UBR2: variants seen among roughly 807,000 people sequenced by gnomAD.
UBR2 encodes E3 ubiquitin-protein ligase UBR2.
In UBR2, 92 loss-of-function variants were observed where a neutral mutation model predicts 247.9. The ratio of observed to expected loss-of-function variants is 0.37; its 90% CI spans 0.31 to 0.44. The LOEUF (loss-of-function observed/expected upper bound fraction) is 0.44. UBR2 is among the 20% of genes least tolerant of loss of function. UBR2 has a pLI of 1.00. For missense variants in UBR2, 1,613 were observed against 2,112.6 expected (o/e 0.76, Z 4.64); for synonymous variants, 672 against 693.5 (o/e 0.97, Z 0.49).
chr6:42,646,550 G>A (rs1452395918), intron 21 of UBR2, among the ~76,000 whole-genome samples: 2 of 151,938 alleles, frequency 1.3e-5, no homozygotes, highest in Non-Finnish European at 2.9e-5. Context: ...CTCAACTGAG[G>A]ACAATTTTGC....
rs147169985 is a variant in UBR2, at chr6:42,588,032, G to A, written c.339-4119G>A. Among the ~76,000 whole-genome samples, 8 of 152,238 alleles carry A rather than the reference G, an allele frequency of 5.3e-5. No individual in the cohort carries two copies. The East Asian group carries it at 1.5e-3, about 29-fold the overall frequency. ...TTTAATTCAATTCAACTCTGACCCT[G>A]TCTACCAGGTGTTATTGTCAGAATC... On this transcript the variant is annotated intron_variant, in intron 2 of 46. Coordinates refer to ENST00000372901, the MANE Select transcript of UBR2 (RefSeq NM_001363705.2).
chr6:42,569,287 G>GA (rs1218502934), intron 1 of UBR2, among the ~76,000 whole-genome samples: 1 of 152,174 alleles, frequency 6.6e-6, no homozygotes, highest in Non-Finnish European at 1.5e-5. Flanking sequence ...AGTAGTGCAT[G>GA]AGAGTTCCAA....
intron 42 of UBR2, among the ~76,000 whole-genome samples, chr6:42,682,165 A>G (rs1799095221): frequency 6.6e-6 from 1 of 152,192 alleles, no homozygotes; most frequent in African/African-American, 2.4e-5. Context: ...TCACAAAAGG[A>G]TAAATACTGT....
chr6:42,630,265 A>G (rs772056526), intron 11 of UBR2, among the ~76,000 whole-genome samples: 2 of 150,920 alleles, frequency 1.3e-5, no homozygotes, highest in African/African-American at 4.9e-5. Flanking sequence ...GTTCACTGCA[A>G]CCTCTGCCTC....
intron 37 of UBR2, 99 bp from the exon 38 acceptor site, chr6:42,674,027 C>A: frequency 7.4e-7 from 1 of 1,356,364 alleles, no homozygotes; most frequent in Non-Finnish European, 1.0e-6. Context: ...CTTATAAATT[C>A]TCATGTGTCT....
rs574642821 is a variant in UBR2 at position 42,593,084 on chromosome 6, G to T, written c.417+855G>T. Among the ~76,000 whole-genome samples the T allele has an allele frequency of 3.8e-4, 58 of 152,242 alleles. No homozygotes were observed. The South Asian group carries it at 5.0e-3, about 13-fold the overall frequency. ...AGCTGCTCGGGAGGCTGAGGCAGGA[G>T]AATCACTTAAACCTGGGAGGCGGAG... On this transcript the variant is annotated intron_variant, in intron 3 of 46. Transcript: ENST00000372901.
rs111776838 is a variant in UBR2 at position 42,586,811 on chromosome 6, G to C, written c.339-5340G>C. On this transcript the variant is annotated intron_variant, in intron 2 of 46. Transcript: ENST00000372901. Reference sequence around the variant, plus strand: ...TTTTCTGCTTCTTGTCATATATATTGCACCTATAAACTTTTTTTTTTTTTT... The same window carrying C: ...TTTTCTGCTTCTTGTCATATATATTCCACCTATAAACTTTTTTTTTTTTTT... Among the ~76,000 whole-genome samples, 305 of 141,186 alleles carry C rather than the reference G, an allele frequency of 2.2e-3. 2 individuals are homozygous for C. Among genetic ancestry groups the C allele is most frequent in the African/African-American group, 5.7e-3 (214 of 37,602 alleles). The allele number at this position is 141,186 out of a possible 152,430, so 92.6% of individuals were successfully genotyped here.
At chr6:42,679,180 T>C (rs1369906194) in intron 41 of UBR2, among the ~76,000 whole-genome samples, 2 of 152,258 alleles carry the variant, frequency 1.3e-5, no homozygotes, top group Non-Finnish European at 2.9e-5. Flanking sequence ...TGACTGTATC[T>C]CTGTATCCCA....
In UBR2 at chr6:42,621,249, A is replaced by G. The variant is rs774174655; in HGVS notation, c.1281+3742A>G. Among the ~76,000 whole-genome samples the G allele has an allele frequency of 2.9e-4, 44 of 152,126 alleles. 1 individual carries two copies. The highest frequency in any genetic ancestry group is 5.0e-4 in the Non-Finnish European group (34 of 68,024). On this transcript the variant is annotated intron_variant, in intron 11 of 46. Coordinates refer to ENST00000372901, the MANE Select transcript of UBR2 (RefSeq NM_001363705.2). ...ATTTTTCCCCCTACATAGTTATTCA[A>G]TTAACCCAGAAGTGTTTATTGAAGA...
chr6:42,645,364 G>A lies in UBR2; in HGVS notation c.2285-102G>A. ...TCATTACTTTCCCATTGCTCAGACA[G>A]ACTTAGAGAAATATAACATGCTGCA... On this transcript the variant is annotated intron_variant, in intron 20 of 46. Transcript: ENST00000372901. 2.7e-6 allele frequency: 3 copies of A among 1,131,738 alleles called. No homozygotes were observed. The East Asian group carries it at 7.4e-5, about 28-fold the overall frequency. The allele number at this position is 1,131,738 out of a possible 1,614,324, so 70.1% of individuals were successfully genotyped here.
chr6:42,632,936 C>CTTTTTTTTTTTTTTTTTTTTTTCT, intron 13 of UBR2, 32 bp downstream of exon 13: 1 of 920,004 alleles, frequency 1.1e-6, no homozygotes. Context: ...TTTCTTTTTC[C>CTTTTTTTTTTTTTTTTTTTTTTCT]TTTTTTTTTT....
At chr6:42,630,494 T>G (rs954023046) in intron 11 of UBR2, among the ~76,000 whole-genome samples, 3 of 152,060 alleles carry the variant, frequency 2.0e-5, no homozygotes, top group African/African-American at 7.2e-5. Flanking sequence ...ATTTTTTTTT[T>G]TTGATACCCC....
In UBR2 at chr6:42,642,427, C is replaced by A; in HGVS notation, c.2043C>A (p.Tyr681Ter). Residue 681 changes from tyrosine (Y) to a stop codon, truncating the protein, a stop_gained, in exon 18 of 47, where the codon TAC becomes TAA. Transcript: ENST00000372901. LOFTEE classifies it high-confidence loss of function. ...ACTTTTTTTTTTAGATTTATTACTA[C>A]CATAATGTGAAATGCAGACGTGAGA... is the stretch of plus-strand genomic sequence containing the variant. ...GFSLVNQIYY[Y>*]HNVKCRREMF... is the part of the protein sequence containing the mutation. The A allele has an allele frequency of 6.2e-7, 1 of 1,605,638 alleles. No individual in the cohort carries two copies. Among genetic ancestry groups the A allele is most frequent in the Non-Finnish European group, 8.5e-7 (1 of 1,173,814 alleles).
At chr6:42,609,638 A>G (rs1274788267) in intron 7 of UBR2, among the ~76,000 whole-genome samples, 3 of 152,040 alleles carry the variant, frequency 2.0e-5, no homozygotes, top group African/African-American at 4.8e-5. Flanking sequence ...TAATCCCAGC[A>G]TTTTGGGAGG....
chr6:42,585,287 C>T (rs777833972), intron 2 of UBR2, among the ~76,000 whole-genome samples: 2 of 151,862 alleles, frequency 1.3e-5, no homozygotes, highest in South Asian at 2.1e-4. Context: ...TGGATGAATC[C>T]GGCTCTATTA....
intron 28 of UBR2, 47 bp from the exon 29 acceptor site, chr6:42,658,599 G>A (rs774666601): frequency 6.5e-7 from 1 of 1,531,854 alleles, no homozygotes; most frequent in Non-Finnish European, 8.8e-7. Flanking sequence ...GGAAAAAAAT[G>A]TGCGTTTTAG....
chr6:42,577,655 T>C (rs1253812876), intron 2 of UBR2, among the ~76,000 whole-genome samples: 1 of 152,218 alleles, frequency 6.6e-6, no homozygotes, highest in Non-Finnish European at 1.5e-5. Flanking sequence ...AATCATACTT[T>C]CATGAGTTAA....
chr6:42,629,833 T>C (rs989533922), intron 11 of UBR2, among the ~76,000 whole-genome samples: 3 of 152,190 alleles, frequency 2.0e-5, no homozygotes, highest in Admixed American at 2.0e-4. Context: ...TTCTTTTCTG[T>C]TTGTAACTTT....
intron 42 of UBR2, among the ~76,000 whole-genome samples, chr6:42,682,665 C>A (rs1425409816): frequency 6.6e-6 from 1 of 152,120 alleles, no homozygotes; most frequent in African/African-American, 2.4e-5. Context: ...AGTAATCTTC[C>A]CGCCTCAGCC....
Sources: gnomAD v4.1 joint callset for allele counts (sites outside exome capture counted in the v4.1 genomes callset) on GRCh38, gnomAD v4.1.1 for gene constraint, MANE v1.5 for transcripts, NCBI Gene and HGNC (gene_info 2026-07-23, HGNC 2026-07-21) for gene names.